The following FAM117B variants were observed in gnomAD, a reference collection of about 807,000 sequenced individuals.
FAM117B encodes protein FAM117B.
FAM117B carries 22 observed loss-of-function variants against 52.8 expected under a neutral mutation model. That is an observed-to-expected ratio of 0.42 (90% CI 0.30 to 0.59). FAM117B has a LOEUF of 0.59. FAM117B is among the 20% of genes least tolerant of loss of function. FAM117B has a pLI of 0.22. For missense variants in FAM117B, 678 were observed against 802.6 expected, an observed-to-expected ratio of 0.84 and a Z score of 1.88; for synonymous variants, 309 against 324.1, an observed-to-expected ratio of 0.95 and a Z score of 0.50.
At chr2:202,644,721 G>A (rs1218582715) in intron 1 of FAM117B, among the ~76,000 whole-genome samples, 2 of 152,182 alleles carry the variant, frequency 1.3e-5, no homozygotes, top group Non-Finnish European at 1.5e-5. Flanking sequence ...AGAATTGTAG[G>A]TTGGAAATAA....
intron 2 of FAM117B, among the ~76,000 whole-genome samples, chr2:202,699,426 CAAA>C (rs751190825): frequency 5.6e-5 from 1 of 17,914 alleles, no homozygotes; most frequent in Non-Finnish European, 1.1e-4. Context: ...GACCCCATCT[CAAA>C]AAAAAAAAAA....
At chr2:202,691,649 TTGTGTGTGTGTGTGTGTGTGTGTG>T (rs199855927) in intron 1 of FAM117B, among the ~76,000 whole-genome samples, 5 of 126,882 alleles carry the variant, frequency 3.9e-5, no homozygotes, top group South Asian at 5.4e-4. Context: ...CCAGTTTACA[TTGTGTGTGTGTGTGTGTGTGTGTG>T]TGTGTGTGTG....
intron 2 of FAM117B, among the ~76,000 whole-genome samples, chr2:202,723,868 C>A (rs1420375064): frequency 6.6e-6 from 1 of 152,118 alleles, no homozygotes; most frequent in Non-Finnish European, 1.5e-5. Context: ...AGGCTGTATG[C>A]TCCCACTAAC....
intron 2 of FAM117B, among the ~76,000 whole-genome samples, chr2:202,699,426 C>CAAAAAAAAAAAAAAAA (rs751190825): frequency 0.018 from 317 of 17,142 alleles, no homozygotes; most frequent in East Asian, 0.035. Flanking sequence ...GACCCCATCT[C>CAAAAAAAAAAAAAAAA]AAAAAAAAAA....
At chr2:202,738,559 AACT>A (rs1242689580) in intron 4 of FAM117B, among the ~76,000 whole-genome samples, 1 of 152,206 alleles carries the variant, frequency 6.6e-6, no homozygotes, top group Non-Finnish European at 1.5e-5. Flanking sequence ...AAGGATAGGA[AACT>A]ACTTTTAGAA....
Position 202,635,731 on chromosome 2 carries a change from G to A in FAM117B, c.544G>A (p.Glu182Lys), listed in dbSNP as rs1383627292. The change falls in exon 1 of 8, where the codon GAG (glutamate) becomes AAG (lysine). Residue 182 changes from glutamate to lysine, a missense_variant. Coordinates refer to ENST00000392238, the MANE Select transcript of FAM117B (RefSeq NM_173511.4). The part of the protein sequence containing the change: ...ARVRHRRRSP[E>K]QSRSSPEKRS... ...CGTCCGGCATCGGAGGAGGTCTCCG[G>A]AGCAGAGCCGAAGCTCGCCGGAGAA... is the stretch of plus-strand genomic sequence containing the variant. 3.8e-5 allele frequency: 55 copies of A among 1,458,478 alleles called. No homozygotes were observed. The highest frequency in any genetic ancestry group is 4.8e-5 in the Non-Finnish European group (53 of 1,108,830). 90.3% of individuals were successfully genotyped at this position (1,458,478 alleles called of 1,614,324 possible).
intron 2 of FAM117B, among the ~76,000 whole-genome samples, chr2:202,703,947 T>A (rs1690835121): frequency 6.6e-6 from 1 of 152,224 alleles, no homozygotes; most frequent in Non-Finnish European, 1.5e-5. Flanking sequence ...AGGTATATAA[T>A]TCCAGTTTCT....
intron 1 of FAM117B, among the ~76,000 whole-genome samples, chr2:202,691,698 T>TGTGTGTGCGTGC (rs1476079292): frequency 7.6e-6 from 1 of 131,088 alleles, no homozygotes; most frequent in South Asian, 2.7e-4. Flanking sequence ...TGTGTGTGTG[T>TGTGTGTGCGTGC]GCGCGCGCGC....
At chr2:202,697,825 C>G (rs905212630) in intron 2 of FAM117B, among the ~76,000 whole-genome samples, 1 of 151,176 alleles carries the variant, frequency 6.6e-6, no homozygotes, top group East Asian at 2.0e-4. Flanking sequence ...GCTGGGATTA[C>G]AGGTGTGAGC....
At chr2:202,713,075 G>A (rs1372526149) in intron 2 of FAM117B, among the ~76,000 whole-genome samples, 1 of 152,052 alleles carries the variant, frequency 6.6e-6, no homozygotes, top group Non-Finnish European at 1.5e-5. Context: ...TCCCTCCTCT[G>A]TTTTTCAGAA....
intron 4 of FAM117B, among the ~76,000 whole-genome samples, chr2:202,746,886 C>T (rs1438023312): frequency 6.6e-6 from 1 of 151,158 alleles, no homozygotes; most frequent in African/African-American, 2.4e-5. Flanking sequence ...TCTCCTAACT[C>T]ATTTTATGAG....
rs1156711488 is a variant in FAM117B at position 202,765,521 on chromosome 2, A to G, written c.1527A>G (p.Gly509=). The change falls in exon 8 of 8, where the codon GGA becomes GGG. Residue 509 remains glycine (G), a synonymous_variant. Coordinates refer to ENST00000392238, the MANE Select transcript of FAM117B (RefSeq NM_173511.4). ...KNKVNFIPKS[G]SAFCLVSILK... is the part of the protein sequence containing the mutation. ...AGGTGAATTTCATTCCTAAAAGTGG[A>G]TCTGCTTTCTGCCTCGTCAGCATCC... 3.1e-6 allele frequency: 5 copies of G among 1,613,808 alleles called. No individual in the cohort carries two copies. Among genetic ancestry groups the G allele is most frequent in the East Asian group, 2.2e-5 (1 of 44,890 alleles).
chr2:202,682,201 A>T (rs1690472524), intron 1 of FAM117B, among the ~76,000 whole-genome samples: 1 of 152,168 alleles, frequency 6.6e-6, no homozygotes, highest in Non-Finnish European at 1.5e-5. Flanking sequence ...GTGTGACCTC[A>T]TTCCTCCTGG....
chr2:202,659,740 A>G (rs1333985162), intron 1 of FAM117B, among the ~76,000 whole-genome samples: 1 of 146,584 alleles, frequency 6.8e-6, no homozygotes, highest in Non-Finnish European at 1.5e-5. Context: ...TCAGCCTCCC[A>G]AGTAGCTGGG....
intron 1 of FAM117B, among the ~76,000 whole-genome samples, chr2:202,674,322 C>T (rs1026530091): frequency 2.6e-5 from 4 of 152,214 alleles, no homozygotes; most frequent in Non-Finnish European, 5.9e-5. Flanking sequence ...ACGCTAGTTA[C>T]TATTTACTGT....
In FAM117B at chr2:202,684,167, CA is replaced by C. The variant is rs1690503457; in HGVS notation, c.602-11710del. 3.3e-5 allele frequency among the ~76,000 whole-genome samples: 5 copies of C among 151,938 alleles called. No individual in the cohort carries two copies. In the South Asian group the frequency reaches 1.0e-3, roughly 32 times the overall value. ...CTGGTGTGAGCCACTGCACCTGGCC[CA>C]AAACTTCTTGACAAAATATTAGCAA... On this transcript the variant is annotated intron_variant, in intron 1 of 7. Transcript: ENST00000392238.
At chr2:202,640,462 G>A (rs79785327) in intron 1 of FAM117B, among the ~76,000 whole-genome samples, 11,700 of 150,322 alleles carry the variant, frequency 0.078, 1,532 homozygotes, top group African/African-American at 0.27. Flanking sequence ...AACTTCTTTG[G>A]ACTAATAGGC....
intron 1 of FAM117B, among the ~76,000 whole-genome samples, chr2:202,673,075 A>G (rs1690322537): frequency 6.6e-6 from 1 of 152,142 alleles, no homozygotes; most frequent in African/African-American, 2.4e-5. Context: ...GACTTAAAGT[A>G]CCTTTTGAAA....
chr2:202,696,404 A>C (rs1003128105), intron 2 of FAM117B, among the ~76,000 whole-genome samples: 1 of 152,216 alleles, frequency 6.6e-6, no homozygotes, highest in Non-Finnish European at 1.5e-5. Flanking sequence ...ATACACTAAC[A>C]CTAATGAGCT....
Sources: gnomAD v4.1 joint callset for allele counts (sites outside exome capture counted in the v4.1 genomes callset) on GRCh38, gnomAD v4.1.1 for gene constraint, MANE v1.5 for transcripts, NCBI Gene and HGNC (gene_info 2026-07-23, HGNC 2026-07-21) for gene names.